Variants in PTPRK observed in about 807,000 individuals in gnomAD.
PTPRK encodes protein tyrosine phosphatase receptor type K, also known as receptor-type tyrosine-protein phosphatase kappa.
PTPRK carries 75 observed loss-of-function variants against 178.0 expected under a neutral mutation model. The ratio of observed to expected loss-of-function variants is 0.42; its 90% CI spans 0.35 to 0.51. The LOEUF is 0.51. Among genes scored for constraint, PTPRK ranks in the 20% least tolerant of loss-of-function variants. PTPRK has a pLI of 0.02. For synonymous variants in PTPRK, 637 were observed against 620.6 expected (o/e 1.03, Z -0.39); for missense variants, 1,441 against 1,797.8 (o/e 0.80, Z 3.59).
chr6:127,980,736 C>T (rs1019500586), intron 25 of PTPRK, among the ~76,000 whole-genome samples: 1 of 151,888 alleles, frequency 6.6e-6, no homozygotes, highest in Non-Finnish European at 1.5e-5. Flanking sequence ...AAAAATTTCC[C>T]AAATTAACAT....
intron 17 of PTPRK, among the ~76,000 whole-genome samples, chr6:127,996,281 T>C (rs1445732605): frequency 6.6e-6 from 1 of 152,122 alleles, no homozygotes; most frequent in Non-Finnish European, 1.5e-5. Context: ...TTAAAACAAT[T>C]TATAACTGAA....
intron 1 of PTPRK, among the ~76,000 whole-genome samples, chr6:128,414,389 C>T (rs1429002511): frequency 6.6e-6 from 1 of 152,158 alleles, no homozygotes; most frequent in Non-Finnish European, 1.5e-5. Flanking sequence ...CCCTGTTGCA[C>T]ACCACCCTGC....
intron 1 of PTPRK, among the ~76,000 whole-genome samples, chr6:128,464,630 T>TAG: frequency 1.8e-5 from 1 of 55,014 alleles, no homozygotes; most frequent in South Asian, 6.7e-4. Flanking sequence ...CATATATATA[T>TAG]ATATACACAT....
chr6:128,056,455 C>T (rs1470249766), intron 13 of PTPRK, among the ~76,000 whole-genome samples: 6 of 150,108 alleles, frequency 4.0e-5, no homozygotes, highest in African/African-American at 1.5e-4. Flanking sequence ...GATGGAGTCT[C>T]TCACTATCTC....
chr6:128,375,233 G>C (rs1379245737), intron 2 of PTPRK, among the ~76,000 whole-genome samples: 1 of 151,714 alleles, frequency 6.6e-6, no homozygotes, highest in African/African-American at 2.4e-5. Flanking sequence ...TCATGCTGCT[G>C]ATAAAGACAT....
In PTPRK at chr6:128,348,047, G is replaced by C. The variant is rs531856315; in HGVS notation, c.224-25737C>G. On this transcript the variant is annotated intron_variant, in intron 2 of 29. Transcript: ENST00000368226. ...AGTTAAGATATGGCTTTCAAGTACAGATCATCTATTGTAGCTTTGACACAA... is the reference window on the plus strand; with the variant it reads ...AGTTAAGATATGGCTTTCAAGTACACATCATCTATTGTAGCTTTGACACAA... 3.9e-5 allele frequency among the ~76,000 whole-genome samples: 6 copies of C among 152,108 alleles called. No homozygotes were observed. In the East Asian group the frequency reaches 9.6e-4, roughly 24 times the overall value.
rs1294033648 is a variant in PTPRK, at chr6:128,023,358, C to T, written c.2195-14090G>A. On this transcript the variant is annotated intron_variant, in intron 13 of 29. Coordinates refer to ENST00000368226, the MANE Select transcript of PTPRK (RefSeq NM_002844.4). ...CACTTCTGATCTTAAATTCACAACT[C>T]CCTAAAGTCAAATTTTCTTCATCAA... 2.6e-5 allele frequency among the ~76,000 whole-genome samples: 4 copies of T among 152,266 alleles called. No homozygotes were observed. In the East Asian group the frequency reaches 5.8e-4, roughly 22 times the overall value.
At chr6:128,390,490 A>T (rs144780197) in intron 2 of PTPRK, among the ~76,000 whole-genome samples, 13 of 152,306 alleles carry the variant, frequency 8.5e-5, no homozygotes, top group African/African-American at 3.1e-4. Context: ...GGAAAGAAGT[A>T]TTTTAAATGA....
chr6:128,070,974 T>C (rs563766211), intron 11 of PTPRK, among the ~76,000 whole-genome samples: 6 of 151,900 alleles, frequency 3.9e-5, no homozygotes, highest in Non-Finnish European at 5.9e-5. Context: ...AGTACATTTT[T>C]CACCTGAAAA....
intron 6 of PTPRK, among the ~76,000 whole-genome samples, chr6:128,205,777 C>CAAAAAAA (rs57003128): frequency 2.0e-3 from 30 of 15,192 alleles, no homozygotes; most frequent in East Asian, 3.6e-3. Context: ...CATCACAGAC[C>CAAAAAAA]AAAAAAAAAA....
chr6:128,286,599 C>T (rs767434187), intron 3 of PTPRK, among the ~76,000 whole-genome samples: 10 of 152,128 alleles, frequency 6.6e-5, no homozygotes, highest in Admixed American at 1.3e-4. Context: ...TTTGCTAGTC[C>T]GGTCATCTCT....
intron 1 of PTPRK, among the ~76,000 whole-genome samples, chr6:128,408,601 T>C (rs1485513540): frequency 1.3e-5 from 2 of 152,222 alleles, no homozygotes; most frequent in African/African-American, 4.8e-5. Flanking sequence ...TGGTTTCATT[T>C]ACCAAAGTTG....
At chr6:128,345,190 A>G (rs1438393230) in intron 2 of PTPRK, among the ~76,000 whole-genome samples, 2 of 152,168 alleles carry the variant, frequency 1.3e-5, no homozygotes, top group Admixed American at 1.3e-4. Flanking sequence ...ACATGTATTC[A>G]TACACATACA....
intron 2 of PTPRK, among the ~76,000 whole-genome samples, chr6:128,344,484 G>T (rs953922016): frequency 2.0e-5 from 3 of 151,898 alleles, no homozygotes; most frequent in Non-Finnish European, 2.9e-5. Context: ...AACAAAATTA[G>T]ACTATGATTA....
intron 7 of PTPRK, among the ~76,000 whole-genome samples, chr6:128,091,170 T>A (rs868500670): frequency 6.6e-6 from 1 of 152,194 alleles, no homozygotes; most frequent in African/African-American, 2.4e-5. Context: ...TATGTGCAAA[T>A]TTATCTTCGG....
intron 13 of PTPRK, chr6:128,062,826 G>A (rs1781091542): frequency 6.6e-6 from 1 of 152,100 alleles, no homozygotes; most frequent in African/African-American, 2.4e-5. Context: ...CCACAGGTGA[G>A]CTCCATCAAG....
chr6:128,138,628 TA>T (rs1052545450), intron 7 of PTPRK, among the ~76,000 whole-genome samples: 7 of 152,146 alleles, frequency 4.6e-5, no homozygotes, highest in African/African-American at 1.7e-4. Context: ...TCAATTAAGT[TA>T]AATCACCCTC....
chr6:128,368,513 A>G lies in PTPRK; in HGVS notation c.223+29053T>C, dbSNP rs145421106. 9.9e-5 allele frequency among the ~76,000 whole-genome samples: 15 copies of G among 152,170 alleles called. No homozygotes were observed. In the East Asian group the frequency reaches 2.7e-3, roughly 27 times the overall value. On this transcript the variant is annotated intron_variant, in intron 2 of 29. Transcript: ENST00000368226. Reference sequence around the variant, plus strand: ...TTTGAATAATCCTAATTTTCCCCCAATGAAACTTTATCATTCCTGTCAACT... The same window carrying G: ...TTTGAATAATCCTAATTTTCCCCCAGTGAAACTTTATCATTCCTGTCAACT...
At chr6:128,499,897 C>T (rs559897163) in intron 1 of PTPRK, among the ~76,000 whole-genome samples, 9 of 152,242 alleles carry the variant, frequency 5.9e-5, no homozygotes, top group Admixed American at 2.0e-4. Flanking sequence ...GAATTGAATT[C>T]GGTACCCACC....
Sources: gnomAD v4.1 joint callset for allele counts (sites outside exome capture counted in the v4.1 genomes callset) on GRCh38, gnomAD v4.1.1 for gene constraint, MANE v1.5 for transcripts, NCBI Gene and HGNC (gene_info 2026-07-23, HGNC 2026-07-21) for gene names.